FANCC: variants seen among roughly 807,000 people sequenced by gnomAD.
FANCC encodes the protein FA complementation group C.
FANCC carries 55 observed loss-of-function variants against 71.3 expected under a neutral mutation model. That is an observed-to-expected ratio of 0.77 (90% CI 0.62 to 0.97). The LOEUF is 0.97. FANCC is among the 50% of genes least tolerant of loss of function. The pLI, the probability that FANCC is intolerant of heterozygous loss-of-function variation, is 0.00. For synonymous variants in FANCC, 275 were observed against 244.9 expected (o/e 1.12, Z -1.15); for missense variants, 678 against 670.9 (o/e 1.01, Z -0.12).
Position 95,111,603 on chromosome 9 carries a change from A to G in FANCC, c.1189T>C (p.Phe397Leu). ...CGGPFESWFL[F>L]IHFGGWAEMV... ...TCAGCCCATCCTCCGAAGTGAATGAACAGGAACCAGCTCTCAAAGGGACCT... is the reference window on the plus strand; with the variant it reads ...TCAGCCCATCCTCCGAAGTGAATGAGCAGGAACCAGCTCTCAAAGGGACCT... The change falls in exon 13 of 15, where the codon TTC (phenylalanine) becomes CTC (leucine). Residue 397 changes from phenylalanine (F) to leucine (L), a missense_variant. Transcript: ENST00000289081. The G allele has an allele frequency of 6.2e-7, 1 of 1,614,180 alleles. No homozygotes were observed. The highest frequency in any genetic ancestry group is 8.5e-7 in the Non-Finnish European group (1 of 1,180,034).
chr9:95,276,591 A>G (rs1231135502), intron 1 of FANCC, among the ~76,000 whole-genome samples: 1 of 152,238 alleles, frequency 6.6e-6, no homozygotes, highest in Non-Finnish European at 1.5e-5. Context: ...TGGTCTGGCA[A>G]TACTCAGAAG....
At chr9:95,293,782 A>T in intron 1 of FANCC, 2 of 1,613,976 alleles carry the variant, frequency 1.2e-6, no homozygotes. Context: ...GCATTTATGG[A>T]CACCTGTTTC....
chr9:95,293,754 A>G, intron 1 of FANCC: 2 of 1,613,956 alleles, frequency 1.2e-6, no homozygotes, highest in Non-Finnish European at 1.7e-6. Context: ...AACTTCATCT[A>G]TAGCTGCTCA....
intron 1 of FANCC, among the ~76,000 whole-genome samples, chr9:95,279,098 TG>T (rs1186471313): frequency 5.9e-5 from 9 of 152,154 alleles, no homozygotes. Flanking sequence ...GCAGATCACT[TG>T]AGGCCAAGAC....
At chr9:95,221,284 CAG>C (rs1363169280) in intron 4 of FANCC, among the ~76,000 whole-genome samples, 5 of 152,042 alleles carry the variant, frequency 3.3e-5, no homozygotes, top group Non-Finnish European at 7.4e-5. Flanking sequence ...AACAAGAAAA[CAG>C]AGAACAAATG....
chr9:95,201,052 T>G (rs2135803745), intron 4 of FANCC, among the ~76,000 whole-genome samples: 1 of 152,360 alleles, frequency 6.6e-6, no homozygotes, highest in South Asian at 2.1e-4. Context: ...AATTGCCTTT[T>G]ATAAATGTGG....
At chr9:95,137,524 C>T (rs559823236) in intron 7 of FANCC, among the ~76,000 whole-genome samples, 15 of 152,264 alleles carry the variant, frequency 9.9e-5, no homozygotes, top group African/African-American at 3.6e-4. Flanking sequence ...CATGGTGCCA[C>T]ACCCCCTCAA....
At chr9:95,158,077 C>T (rs1286607241) in intron 6 of FANCC, among the ~76,000 whole-genome samples, 2 of 152,096 alleles carry the variant, frequency 1.3e-5, no homozygotes, top group South Asian at 2.1e-4. Context: ...CTATTTGAGA[C>T]GCTACATGAG....
intron 13 of FANCC, among the ~76,000 whole-genome samples, chr9:95,108,315 C>T (rs2071619498): frequency 6.6e-6 from 1 of 152,230 alleles, no homozygotes; most frequent in African/African-American, 2.4e-5. Context: ...CTCTCCCCAC[C>T]TCGCCCCTCA....
chr9:95,226,967 C>G (rs945427289), intron 4 of FANCC, among the ~76,000 whole-genome samples: 2 of 152,178 alleles, frequency 1.3e-5, no homozygotes, highest in Non-Finnish European at 2.9e-5. Flanking sequence ...CTTCTACCCC[C>G]ACAGGCACAG....
At position 95,181,976 on chromosome 9, in the gene FANCC, G is replaced by A. The variant is rs78500680; in HGVS notation, c.346-9829C>T. On this transcript the variant is annotated intron_variant, in intron 4 of 14. Transcript: ENST00000289081. ...CCCTCGTGTAACAGGCAGCACATTC[G>A]CAGGCAGGTTAGGAAAGCTGGAGCA... Among the ~76,000 whole-genome samples, 511 of 152,270 alleles carry A rather than the reference G, an allele frequency of 3.4e-3. 10 individuals carry two copies. In the South Asian group the frequency reaches 0.044, roughly 13 times the overall value.
intron 4 of FANCC, among the ~76,000 whole-genome samples, chr9:95,178,883 T>C (rs1564727072): frequency 6.6e-6 from 1 of 152,222 alleles, no homozygotes; most frequent in South Asian, 2.1e-4. Context: ...TGACTGAATT[T>C]TGGGTAACTC....
At chr9:95,216,480 C>A (rs932808307) in intron 4 of FANCC, among the ~76,000 whole-genome samples, 1 of 152,188 alleles carries the variant, frequency 6.6e-6, no homozygotes, top group Non-Finnish European at 1.5e-5. Flanking sequence ...TATTGGTAGA[C>A]AATTCTCCAT....
At chr9:95,243,853 C>T (rs356660) in intron 3 of FANCC, among the ~76,000 whole-genome samples, 142,951 of 152,308 alleles carry the variant, frequency 0.94, 67,096 homozygotes, top group Middle Eastern at 0.98. Flanking sequence ...AGGAAGAAAG[C>T]GCCCAACTAG....
At chr9:95,242,250 T>C (rs1830674062) in intron 3 of FANCC, among the ~76,000 whole-genome samples, 1 of 151,568 alleles carries the variant, frequency 6.6e-6, no homozygotes, top group Admixed American at 6.6e-5. Flanking sequence ...ATTTCAAGAG[T>C]CGTATAATTT....
intron 8 of FANCC, among the ~76,000 whole-genome samples, chr9:95,127,948 TTTAAA>T (rs1380140187): frequency 6.6e-6 from 1 of 152,274 alleles, no homozygotes; most frequent in African/African-American, 2.4e-5. Context: ...TGTCCTACTC[TTTAAA>T]TAATCTATGC....
At chr9:95,166,867 G>GTGTT (rs1831097301) in intron 6 of FANCC, among the ~76,000 whole-genome samples, 1 of 151,960 alleles carries the variant, frequency 6.6e-6, no homozygotes, top group Admixed American at 6.6e-5. Context: ...ATAAGATTTT[G>GTGTT]TGTTTGTCTG....
chr9:95,139,317 G>A (rs568162066), intron 7 of FANCC, among the ~76,000 whole-genome samples: 3 of 152,162 alleles, frequency 2.0e-5, no homozygotes, highest in Non-Finnish European at 2.9e-5. Flanking sequence ...CAGAGGGTGC[G>A]TCTCCTCACA....
intron 11 of FANCC, among the ~76,000 whole-genome samples, chr9:95,116,071 G>A (rs1433163877): frequency 6.6e-6 from 1 of 152,166 alleles, no homozygotes; most frequent in African/African-American, 2.4e-5. Context: ...ATTTATATTT[G>A]GACATAAATC....
Sources: allele counts gnomAD v4.1 joint callset (sites outside exome capture counted in the v4.1 genomes callset), GRCh38; gene constraint gnomAD v4.1.1; transcripts MANE v1.5; gene names NCBI Gene and HGNC (gene_info 2026-07-23, HGNC 2026-07-21).